The following CD34 variants were observed in gnomAD, a reference collection of about 807,000 sequenced individuals.
CD34 encodes the protein hematopoietic progenitor cell antigen CD34.
CD34 carries 34 observed loss-of-function variants against 40.1 expected under a neutral mutation model. That is an observed-to-expected ratio of 0.85 (90% CI 0.65 to 1.13). The LOEUF (loss-of-function observed/expected upper bound fraction) is 1.13. Among genes scored for constraint, CD34 ranks in the 50% most tolerant of loss-of-function variants. CD34 has a pLI of 0.00. For missense variants in CD34, 426 were observed against 466.9 expected, an observed-to-expected ratio of 0.91 and a Z score of 0.81; for synonymous variants, 209 against 190.0, an observed-to-expected ratio of 1.10 and a Z score of -0.82.
At position 207,888,857 on chromosome 1, in the gene CD34, A is replaced by T; in HGVS notation, c.808-11T>A. Reference sequence around the variant, plus strand: ...ATCTAGGATCCCCAGCTTGAAAAGAAGACAAAGAAGATACAGCCTGTCACT... The same window carrying T: ...ATCTAGGATCCCCAGCTTGAAAAGATGACAAAGAAGATACAGCCTGTCACT... On this transcript the variant is annotated splice_polypyrimidine_tract_variant and intron_variant, in intron 6 of 7. Transcript: ENST00000310833. 2 of 1,613,776 alleles carry T rather than the reference A, an allele frequency of 1.2e-6. No individual in the cohort carries two copies. The highest frequency in any genetic ancestry group is 1.7e-6 in the Non-Finnish European group (2 of 1,179,720).
In CD34 at chr1:207,887,615, G is replaced by A. The variant is rs1034580030; in HGVS notation, c.*123C>T. ...TAGGGCCCCAAGAACAGCCTCTGAG[G>A]TGTGTGCAGTGGGGAAGGGTTGGGC... On this transcript the variant is annotated 3_prime_UTR_variant, in exon 8 of 8. Coordinates refer to ENST00000310833, the MANE Select transcript of CD34 (RefSeq NM_001025109.2). The A allele has an allele frequency of 4.2e-5, 58 of 1,373,130 alleles. No homozygotes were observed. The highest frequency in any genetic ancestry group is 5.0e-5 in the Non-Finnish European group (50 of 1,005,616). The allele number at this position is 1,373,130 out of a possible 1,614,324, so 85.1% of individuals were successfully genotyped here.
chr1:207,901,218 T>C (rs914946484), intron 1 of CD34, among the ~76,000 whole-genome samples: 2 of 152,206 alleles, frequency 1.3e-5, no homozygotes, highest in Admixed American at 6.5e-5. Flanking sequence ...CTGAACCCTA[T>C]GCCTCAAAGA....
At chr1:207,909,079 G>A (rs1662446189) in intron 1 of CD34, among the ~76,000 whole-genome samples, 1 of 152,146 alleles carries the variant, frequency 6.6e-6, no homozygotes, top group East Asian at 1.9e-4. Context: ...ACCCTAGAAA[G>A]CTCTTGGGAA....
intron 1 of CD34, among the ~76,000 whole-genome samples, chr1:207,905,461 T>C (rs1445614408): frequency 1.3e-5 from 2 of 152,172 alleles, no homozygotes; most frequent in African/African-American, 4.8e-5. Context: ...AAAAGTGTCG[T>C]AAGATAAGAC....
chr1:207,886,580 C>G lies in CD34; in HGVS notation c.*1158G>C, dbSNP rs993409450. ...TTAATTGCAGTATTTAAACACATCA[C>G]TTTGTATTCAGAAAAAATATCTACC... is the stretch of plus-strand genomic sequence containing the variant. On this transcript the variant is annotated 3_prime_UTR_variant, in exon 8 of 8. Coordinates refer to ENST00000310833, the MANE Select transcript of CD34 (RefSeq NM_001025109.2). 6.6e-6 allele frequency: 1 copy of G among 152,590 alleles called. No individual in the cohort carries two copies. The highest frequency in any genetic ancestry group is 2.4e-5 in the African/African-American group (1 of 41,440). The allele number at this position is 152,590 out of a possible 1,614,324, so 9.5% of individuals were successfully genotyped here.
chr1:207,888,153 C>T (rs1571766060), intron 7 of CD34: 1 of 1,612,606 alleles, frequency 6.2e-7, no homozygotes, highest in Non-Finnish European at 8.5e-7. Flanking sequence ...GGCACCACAC[C>T]ATGCCACCGC....
chr1:207,898,015 A>G (rs967814745), intron 3 of CD34, among the ~76,000 whole-genome samples: 5 of 149,254 alleles, frequency 3.3e-5, no homozygotes, highest in Non-Finnish European at 7.4e-5. Flanking sequence ...GACTCTCCAA[A>G]TTCCCATTTT....
intron 1 of CD34, among the ~76,000 whole-genome samples, chr1:207,903,682 C>G (rs1435342265): frequency 6.6e-6 from 1 of 152,216 alleles, no homozygotes; most frequent in Non-Finnish European, 1.5e-5. Flanking sequence ...TCAGGTACTT[C>G]TTCAGAGTCA....
At chr1:207,909,801 G>A (rs770970582) in intron 1 of CD34, among the ~76,000 whole-genome samples, 4 of 152,192 alleles carry the variant, frequency 2.6e-5, no homozygotes, top group Non-Finnish European at 4.4e-5. Context: ...ACACATCCAG[G>A]ACTGCCAAAC....
chr1:207,893,803 A>G (rs1357116251), intron 4 of CD34, among the ~76,000 whole-genome samples: 1 of 152,258 alleles, frequency 6.6e-6, no homozygotes, highest in Non-Finnish European at 1.5e-5. Context: ...CAAATGGCCA[A>G]CAAACACATG....
chr1:207,884,341 G>A lies in CD34; in HGVS notation c.*3397C>T, dbSNP rs956754763. 4.6e-5 allele frequency: 7 copies of A among 152,312 alleles called. No homozygotes were observed. Among genetic ancestry groups the A allele is most frequent in the Admixed American group, 2.6e-4 (4 of 15,306 alleles). 9.4% of individuals were successfully genotyped at this position (152,312 alleles called of 1,614,324 possible). A position where few individuals can be genotyped will look rare whatever the true frequency, so the allele number is the denominator to read the frequency against. The stretch of plus-strand genomic sequence containing the variant: ...GAAAACACATGTATATACTTACTGA[G>A]ATGACATTGTTTACTGTCCTCTTCT... On this transcript the variant is annotated 3_prime_UTR_variant, in exon 8 of 8. Coordinates refer to ENST00000310833, the MANE Select transcript of CD34 (RefSeq NM_001025109.2).
In CD34 at chr1:207,899,811, C is replaced by T; in HGVS notation, c.262+10G>A. 1.2e-6 allele frequency: 2 copies of T among 1,602,518 alleles called. No homozygotes were observed. Among genetic ancestry groups the T allele is most frequent in the Non-Finnish European group, 8.5e-7 (1 of 1,174,486 alleles). ...ATCTCTCCGGGATCTGACACAAATG[C>T]TGTTTTTACCTGTGATGTTTGTTGT... On this transcript the variant is annotated intron_variant, in intron 2 of 7. Coordinates refer to ENST00000310833, the MANE Select transcript of CD34 (RefSeq NM_001025109.2).
At position 207,900,016 on chromosome 1, in the gene CD34, G is replaced by A. The variant is rs780607094; in HGVS notation, c.80-13C>T. 26 of 1,590,710 alleles carry A rather than the reference G, an allele frequency of 1.6e-5. No homozygotes were observed. The highest frequency in any genetic ancestry group is 2.2e-5 in the East Asian group (1 of 44,668). On this transcript the variant is annotated splice_polypyrimidine_tract_variant and intron_variant, in intron 1 of 7. Coordinates refer to ENST00000310833, the MANE Select transcript of CD34 (RefSeq NM_001025109.2). ...ATGAACCCAGAAGCTATAGGGAAAC[G>A]AGGAGGAAGAATCAGAACCTAAAGA... is the stretch of plus-strand genomic sequence containing the variant.
intron 7 of CD34, chr1:207,888,136 T>C (rs367888908): frequency 9.9e-5 from 159 of 1,613,624 alleles, no homozygotes; most frequent in Non-Finnish European, 1.2e-4. Context: ...AGAAAGGACA[T>C]AGGAGAGGCA....
chr1:207,896,836 T>C (rs974704225), intron 4 of CD34, among the ~76,000 whole-genome samples: 7 of 152,018 alleles, frequency 4.6e-5, no homozygotes, highest in African/African-American at 1.4e-4. Flanking sequence ...AGTAAAAACA[T>C]ACAATAATTT....
chr1:207,898,845 C>T (rs961922320), intron 3 of CD34, 128 bp downstream of exon 3: 12 of 968,664 alleles, frequency 1.2e-5, no homozygotes, highest in Middle Eastern at 2.4e-4. Context: ...TGTGTATTTC[C>T]GTGCTGATTC....
At chr1:207,893,443 G>A (rs1038784931) in intron 4 of CD34, among the ~76,000 whole-genome samples, 1 of 152,026 alleles carries the variant, frequency 6.6e-6, no homozygotes, top group Non-Finnish European at 1.5e-5. Flanking sequence ...AGGTGAAAAC[G>A]CTATTTTCAC....
intron 7 of CD34, 90 bp downstream of exon 7, chr1:207,888,592 G>T: frequency 7.8e-7 from 1 of 1,283,896 alleles, no homozygotes; most frequent in Non-Finnish European, 1.1e-6. Flanking sequence ...GCTTTTTCTA[G>T]TATTTCTCCT....
Position 207,887,165 on chromosome 1 carries a change from G to A in CD34, c.*573C>T, listed in dbSNP as rs1661918125. ...GGCACATGGAGCTCAGTGGAACTTA[G>A]AGAACAAGGGAGGAGCTGGTGACCA... is the stretch of plus-strand genomic sequence containing the variant. On this transcript the variant is annotated 3_prime_UTR_variant, in exon 8 of 8. Transcript: ENST00000310833. The A allele has an allele frequency of 6.5e-6, 1 of 154,242 alleles. No homozygotes were observed. The highest frequency in any genetic ancestry group is 6.5e-5 in the Admixed American group (1 of 15,442). The allele number at this position is 154,242 out of a possible 1,614,324, so 9.6% of individuals were successfully genotyped here.
Sources: gnomAD v4.1 joint callset for allele counts (sites outside exome capture counted in the v4.1 genomes callset) on GRCh38, gnomAD v4.1.1 for gene constraint, MANE v1.5 for transcripts, NCBI Gene and HGNC (gene_info 2026-07-23, HGNC 2026-07-21) for gene names.